LDLRAD4: variants seen among roughly 807,000 people sequenced by gnomAD.
LDLRAD4 encodes the protein low-density lipoprotein receptor class A domain-containing protein 4.
LDLRAD4 carries 5 observed loss-of-function variants against 17.0 expected under a neutral mutation model. The ratio of observed to expected loss-of-function variants is 0.29; its 90% CI spans 0.15 to 0.62. The LOEUF (loss-of-function observed/expected upper bound fraction) is 0.62. Among genes scored for constraint, LDLRAD4 ranks in the 20% least tolerant of loss-of-function variants. LDLRAD4 has a pLI of 0.84. For missense variants in LDLRAD4, 340 were observed against 424.7 expected, an observed-to-expected ratio of 0.80 and a Z score of 1.75; for synonymous variants, 168 against 171.8, an observed-to-expected ratio of 0.98 and a Z score of 0.17.
chr18:13,228,750 G>A (rs2041930609), intron 1 of LDLRAD4, among the ~76,000 whole-genome samples: 1 of 152,172 alleles, frequency 6.6e-6, no homozygotes, highest in African/African-American at 2.4e-5. Flanking sequence ...TATTGGGTTT[G>A]AATATGACAT....
At chr18:13,609,534 T>C (rs201053228) in intron 3 of LDLRAD4, among the ~76,000 whole-genome samples, 7 of 14,536 alleles carry the variant, frequency 4.8e-4, no homozygotes, top group East Asian at 3.6e-3. Context: ...TGTGTGCGTG[T>C]GTGTGTGTGT....
chr18:13,455,053 A>G (rs2092054055), intron 3 of LDLRAD4, among the ~76,000 whole-genome samples: 1 of 152,194 alleles, frequency 6.6e-6, no homozygotes, highest in Non-Finnish European at 1.5e-5. Context: ...AAGGGAGGCG[A>G]AGCTGGTGGA....
At chr18:13,266,639 G>A (rs551722364) in intron 1 of LDLRAD4, among the ~76,000 whole-genome samples, 1 of 152,262 alleles carries the variant, frequency 6.6e-6, no homozygotes, top group Non-Finnish European at 1.5e-5. Flanking sequence ...GCAGGCTGCC[G>A]CAGGGCCTCC....
intron 3 of LDLRAD4, among the ~76,000 whole-genome samples, chr18:13,528,547 G>A (rs572108930): frequency 3.4e-4 from 51 of 152,154 alleles, no homozygotes; most frequent in African/African-American, 1.1e-3. Flanking sequence ...TCCTGACCTC[G>A]GGTGATCCAC....
chr18:13,463,684 A>G (rs144596206), intron 3 of LDLRAD4, among the ~76,000 whole-genome samples: 4 of 152,336 alleles, frequency 2.6e-5, no homozygotes, highest in Non-Finnish European at 2.9e-5. Context: ...CCAACAGCGT[A>G]TAGCACCTTG....
chr18:13,452,228 G>A (rs2091878983), intron 3 of LDLRAD4, among the ~76,000 whole-genome samples: 1 of 152,208 alleles, frequency 6.6e-6, no homozygotes, highest in African/African-American at 2.4e-5. Flanking sequence ...GAATAGGGAG[G>A]GAAGTCAGAG....
At chr18:13,409,996 A>G (rs949977058) in intron 2 of LDLRAD4, among the ~76,000 whole-genome samples, 1 of 152,236 alleles carries the variant, frequency 6.6e-6, no homozygotes, top group African/African-American at 2.4e-5. Context: ...ACCCCAGGGC[A>G]CGACGCACTG....
chr18:13,229,343 T>C (rs1189616644), intron 1 of LDLRAD4, among the ~76,000 whole-genome samples: 2 of 152,212 alleles, frequency 1.3e-5, no homozygotes, highest in Non-Finnish European at 2.9e-5. Context: ...TCAGTTCACC[T>C]CTGAAATAGC....
intron 1 of LDLRAD4, among the ~76,000 whole-genome samples, chr18:13,385,839 G>A (rs1171116272): frequency 1.3e-5 from 2 of 152,120 alleles, no homozygotes; most frequent in East Asian, 3.8e-4. Context: ...GCACTTCAAA[G>A]CTACCATTTA....
At position 13,645,665 on chromosome 18, in the gene LDLRAD4, C is replaced by A; in HGVS notation, c.*8C>A. The A allele has an allele frequency of 6.6e-7, 1 of 1,503,838 alleles. No homozygotes were observed. The highest frequency in any genetic ancestry group is 8.9e-7 in the Non-Finnish European group (1 of 1,127,430). 93.2% of individuals were successfully genotyped at this position (1,503,838 alleles called of 1,614,324 possible). ...CCTGGGAACCTGGTCTGATTCCTTC[C>A]AACGTGCACTTCAGCTGGAGAAAGA... On this transcript the variant is annotated 3_prime_UTR_variant, in exon 6 of 6. Transcript: ENST00000359446. The surrounding 1 kb of genome is among the most constrained non-coding windows in gnomAD (Gnocchi z 5.7).
At chr18:13,288,186 A>C (rs1305194314) in intron 1 of LDLRAD4, among the ~76,000 whole-genome samples, 1 of 152,234 alleles carries the variant, frequency 6.6e-6, no homozygotes, top group Non-Finnish European at 1.5e-5. Flanking sequence ...GCAGTTTTAT[A>C]ATCCTCTAGA....
chr18:13,341,257 T>G (rs2082359722), intron 1 of LDLRAD4, among the ~76,000 whole-genome samples: 1 of 151,970 alleles, frequency 6.6e-6, no homozygotes, highest in Admixed American at 6.5e-5. Flanking sequence ...GATTTTTCTA[T>G]TTTGCAAAAA....
intron 1 of LDLRAD4, among the ~76,000 whole-genome samples, chr18:13,266,641 A>G (rs1485435431): frequency 6.6e-6 from 1 of 152,260 alleles, no homozygotes; most frequent in African/African-American, 2.4e-5. Flanking sequence ...AGGCTGCCGC[A>G]GGGCCTCCAC....
chr18:13,473,172 C>T (rs1376984044), intron 3 of LDLRAD4, among the ~76,000 whole-genome samples: 1 of 151,258 alleles, frequency 6.6e-6, no homozygotes, highest in Non-Finnish European at 1.5e-5. Context: ...GATCATACAT[C>T]AGGTGAGTTA....
intron 2 of LDLRAD4, among the ~76,000 whole-genome samples, chr18:13,389,741 A>G (rs2086122536): frequency 6.6e-6 from 1 of 151,838 alleles, no homozygotes; most frequent in Non-Finnish European, 1.5e-5. Context: ...CACCCACGCC[A>G]TCCTCACACT....
intron 3 of LDLRAD4, chr18:13,465,230 G>T (rs796414583): frequency 6.6e-6 from 1 of 152,224 alleles, no homozygotes; most frequent in Non-Finnish European, 1.5e-5. Flanking sequence ...GGCACACTTA[G>T]TGGTTGCTTA....
At chr18:13,574,884 AC>A (rs571167437) in intron 3 of LDLRAD4, among the ~76,000 whole-genome samples, 13 of 151,922 alleles carry the variant, frequency 8.6e-5, no homozygotes, top group African/African-American at 3.1e-4. Flanking sequence ...TATCTGGGAC[AC>A]CCCTCCCTTT....
intron 3 of LDLRAD4, among the ~76,000 whole-genome samples, chr18:13,617,979 G>T (rs117936234): frequency 0.01 from 1,591 of 152,320 alleles, 18 homozygotes; most frequent in Middle Eastern, 0.024. Flanking sequence ...ACTTTTAGGA[G>T]TCTTTCCTAC....
intron 1 of LDLRAD4, among the ~76,000 whole-genome samples, chr18:13,384,079 C>T (rs116123185): frequency 0.013 from 2,003 of 152,268 alleles, 36 homozygotes; most frequent in African/African-American, 0.045. Context: ...GCCATGACCA[C>T]GCTTAGACCT....
Sources: allele counts gnomAD v4.1 joint callset (sites outside exome capture counted in the v4.1 genomes callset), GRCh38; gene constraint gnomAD v4.1.1; non-coding constraint Gnocchi (gnomAD v3.1); transcripts MANE v1.5; gene names NCBI Gene and HGNC (gene_info 2026-07-23, HGNC 2026-07-21).